Variants in LRRN3 observed in about 807,000 individuals in gnomAD.
LRRN3 encodes leucine-rich repeat neuronal protein 3.
In LRRN3, 15 loss-of-function variants were observed where a neutral mutation model predicts 40.1. That is an observed-to-expected ratio of 0.37 (90% CI 0.25 to 0.58). The LOEUF (loss-of-function observed/expected upper bound fraction) is 0.58, where lower values mean the gene tolerates loss of function less well. LRRN3 is among the 20% of genes least tolerant of loss of function. The pLI is 0.72. For missense variants in LRRN3, 746 were observed against 837.7 expected (o/e 0.89, Z 1.35); for synonymous variants, 308 against 297.2 (o/e 1.04, Z -0.37).
chr7:111,121,022 T>C (rs752466184), intron 2 of LRRN3, among the ~76,000 whole-genome samples: 4 of 150,844 alleles, frequency 2.7e-5, no homozygotes, highest in Non-Finnish European at 5.9e-5. Context: ...CTAATGAAAA[T>C]ATAACAAATA....
chr7:111,099,036 C>T (rs940186103), intron 1 of LRRN3, among the ~76,000 whole-genome samples: 3 of 151,634 alleles, frequency 2.0e-5, no homozygotes, highest in Non-Finnish European at 3.0e-5. Flanking sequence ...CTGAGTTTTG[C>T]TATCCACTAG....
chr7:111,099,677 C>T lies in LRRN3; in HGVS notation c.-440-204C>T, dbSNP rs193215544. ...AGTTTAGAGAGCTCACATCAACATACATTTTCTATTCAAAATGAAGTTTTT... is the reference window on the plus strand; with the variant it reads ...AGTTTAGAGAGCTCACATCAACATATATTTTCTATTCAAAATGAAGTTTTT... On this transcript the variant is annotated intron_variant, in intron 1 of 2. Transcript: ENST00000308478. Among the ~76,000 whole-genome samples, 578 of 151,436 alleles carry T rather than the reference C, an allele frequency of 3.8e-3. 2 individuals are homozygous for T. The highest frequency in any genetic ancestry group is 0.01 in the Middle Eastern group (3 of 292).
chr7:111,093,351 A>C (rs2129578168), intron 1 of LRRN3, among the ~76,000 whole-genome samples: 1 of 152,322 alleles, frequency 6.6e-6, no homozygotes, highest in East Asian at 1.9e-4. Flanking sequence ...GCTATTTATT[A>C]AAAGTGCTGC....
intron 2 of LRRN3, among the ~76,000 whole-genome samples, chr7:111,109,926 G>A (rs998169181): frequency 1.4e-4 from 22 of 152,144 alleles, no homozygotes; most frequent in Non-Finnish European, 2.4e-4. Flanking sequence ...ACAAGGTCAG[G>A]AGTTCAAGAC....
At chr7:111,113,101 G>C (rs1026677474) in intron 2 of LRRN3, among the ~76,000 whole-genome samples, 1 of 152,126 alleles carries the variant, frequency 6.6e-6, no homozygotes. Flanking sequence ...TTCCTTCAGA[G>C]TAATGTTCCC....
At chr7:111,092,654 G>A (rs144781760) in intron 1 of LRRN3, among the ~76,000 whole-genome samples, 155 of 152,244 alleles carry the variant, frequency 1.0e-3, no homozygotes, top group Non-Finnish European at 1.8e-3. Flanking sequence ...TAAACTCTAT[G>A]AGCATCCATG....
Position 111,124,327 on chromosome 7 carries a change from C to G in LRRN3, c.1555C>G (p.Gln519Glu), listed in dbSNP as rs1801024895. The change falls in exon 3 of 3, where the codon CAA becomes GAA. Residue 519 changes from glutamine (Q) to glutamate (E), a missense_variant. Transcript: ENST00000308478. ...VMIKVDGSFP[Q>E]DNNGSLNIKI... is the part of the protein sequence containing the mutation. ...GATCAAAGTGGATGGATCTTTTCCA[C>G]AAGATAACAATGGCTCTTTGAATAT... The G allele has an allele frequency of 6.2e-7, 1 of 1,613,502 alleles. No homozygotes were observed. The highest frequency in any genetic ancestry group is 1.3e-5 in the African/African-American group (1 of 74,914).
Position 111,121,680 on chromosome 7 carries a change from C to T in LRRN3, c.-358-735C>T, listed in dbSNP as rs555561556. 4.6e-5 allele frequency among the ~76,000 whole-genome samples: 7 copies of T among 152,248 alleles called. No homozygotes were observed. The East Asian group carries it at 5.8e-4, about 13-fold the overall frequency. ...TGTAGAAGACAGTGTGGCGATTCCT[C>T]GGGGATCTAGAACTAGAAATACCAT... is the stretch of plus-strand genomic sequence containing the variant. On this transcript the variant is annotated intron_variant, in intron 2 of 2. Coordinates refer to ENST00000308478, the MANE Select transcript of LRRN3 (RefSeq NM_001099658.2).
Position 111,123,031 on chromosome 7 carries a change from T to A in LRRN3, c.259T>A (p.Ser87Thr). Residue 87 changes from serine (S) to threonine (T), a missense_variant, in exon 3 of 3, where the codon TCC (serine) becomes ACC (threonine). By Grantham distance (58) the Ser-to-Thr change is moderately conservative (BLOSUM62 1). Coordinates refer to ENST00000308478, the MANE Select transcript of LRRN3 (RefSeq NM_001099658.2). This position sits in a 1 kb window ranked among gnomAD's most constrained non-coding sequence, Gnocchi z 6.4. The part of the protein sequence containing the change: ...QTNNIAKIEY[S>T]TDFPVNLTGL... ...TAACAATATTGCAAAAATTGAATAC[T>A]CCACAGACTTTCCAGTAAACCTTAC... 6.2e-7 allele frequency: 1 copy of A among 1,613,904 alleles called. No homozygotes were observed. The highest frequency in any genetic ancestry group is 1.1e-5 in the South Asian group (1 of 91,076).
chr7:111,103,446 A>G (rs1798196668), intron 2 of LRRN3, among the ~76,000 whole-genome samples: 1 of 151,738 alleles, frequency 6.6e-6, no homozygotes, highest in Non-Finnish European at 1.5e-5. Flanking sequence ...CTTCTAAGAC[A>G]TGTCATATAA....
At position 111,123,348 on chromosome 7, in the gene LRRN3, T is replaced by C. The variant is rs901551236; in HGVS notation, c.576T>C (p.Ile192=). ...KWFDALPNLE[I]LMIGENPIIR... The stretch of plus-strand genomic sequence containing the variant: ...TTGATGCTCTTCCAAATCTAGAGAT[T>C]CTGATGATTGGGGAAAATCCAATTA... Residue 192 remains isoleucine (I), a synonymous_variant, in exon 3 of 3, where the codon ATT becomes ATC. Transcript: ENST00000308478. The surrounding 1 kb of genome is among the most constrained non-coding windows in gnomAD (Gnocchi z 6.4). 2 of 1,613,834 alleles carry C rather than the reference T, an allele frequency of 1.2e-6. No individual in the cohort carries two copies. Among genetic ancestry groups the C allele is most frequent in the African/African-American group, 2.7e-5 (2 of 75,024 alleles).
At position 111,122,509 on chromosome 7, in the gene LRRN3, A is replaced by C. The variant is rs1164240839; in HGVS notation, c.-264A>C. ...ATTACTCAATCTCCTATGACCATCTATACATACTCCACCTTCAAAAAGTAC... is the reference window on the plus strand; with the variant it reads ...ATTACTCAATCTCCTATGACCATCTCTACATACTCCACCTTCAAAAAGTAC... On this transcript the variant is annotated 5_prime_UTR_variant, in exon 3 of 3. Transcript: ENST00000308478. 1 of 429,198 alleles carries C rather than the reference A, an allele frequency of 2.3e-6. No homozygotes were observed. The highest frequency in any genetic ancestry group is 2.0e-5 in the African/African-American group (1 of 50,098). 26.6% of individuals were successfully genotyped at this position (429,198 alleles called of 1,614,324 possible).
At chr7:111,114,835 A>G (rs1799682891) in intron 2 of LRRN3, among the ~76,000 whole-genome samples, 1 of 152,160 alleles carries the variant, frequency 6.6e-6, no homozygotes, top group South Asian at 2.1e-4. Context: ...TAATAATAGA[A>G]TTTGAAGGTG....
chr7:111,123,048 A>G lies in LRRN3; in HGVS notation c.276A>G (p.Val92=). 6.2e-7 allele frequency: 1 copy of G among 1,613,922 alleles called. No individual in the cohort carries two copies. Among genetic ancestry groups the G allele is most frequent in the Non-Finnish European group, 8.5e-7 (1 of 1,179,950 alleles). The change falls in exon 3 of 3, where the codon GTA becomes GTG. Residue 92 remains valine, a synonymous_variant. Coordinates refer to ENST00000308478, the MANE Select transcript of LRRN3 (RefSeq NM_001099658.2). This position sits in a 1 kb window ranked among gnomAD's most constrained non-coding sequence, Gnocchi z 6.4. ...TTGAATACTCCACAGACTTTCCAGTAAACCTTACTGGCCTGGATTTATCTC... is the reference window on the plus strand; with the variant it reads ...TTGAATACTCCACAGACTTTCCAGTGAACCTTACTGGCCTGGATTTATCTC... ...AKIEYSTDFP[V]NLTGLDLSQN... is the part of the protein sequence containing the mutation.
Position 111,122,963 on chromosome 7 carries a change from C to A in LRRN3, c.191C>A (p.Pro64Gln). 1 of 1,614,006 alleles carries A rather than the reference C, an allele frequency of 6.2e-7. No individual in the cohort carries two copies. The highest frequency in any genetic ancestry group is 8.5e-7 in the Non-Finnish European group (1 of 1,179,948). Residue 64 changes from proline (P) to glutamine (Q), a missense_variant, in exon 3 of 3, where the codon CCA becomes CAA. By Grantham distance (76) the Pro-to-Gln change is moderately conservative. Coordinates refer to ENST00000308478, the MANE Select transcript of LRRN3 (RefSeq NM_001099658.2). ...AATGATTTAGGTCTTTTAACTTTCC[C>A]AGCCAGATTGCCAGCTAACACACAG... ...DCNDLGLLTF[P>Q]ARLPANTQIL...
intron 2 of LRRN3, among the ~76,000 whole-genome samples, chr7:111,117,229 C>G (rs940462093): frequency 2.6e-5 from 4 of 152,098 alleles, no homozygotes; most frequent in Non-Finnish European, 5.9e-5. Flanking sequence ...AGTTTACACA[C>G]ATTCAATTGT....
intron 2 of LRRN3, among the ~76,000 whole-genome samples, chr7:111,109,006 G>C (rs1374327320): frequency 6.6e-6 from 1 of 152,132 alleles, no homozygotes; most frequent in African/African-American, 2.4e-5. Context: ...GGAGATGATG[G>C]GAAGTAAGCA....
At chr7:111,120,858 G>A (rs1267974790) in intron 2 of LRRN3, among the ~76,000 whole-genome samples, 1 of 151,626 alleles carries the variant, frequency 6.6e-6, no homozygotes, top group African/African-American at 2.4e-5. Context: ...GGAACCTGTT[G>A]AATCGCAATC....
intron 2 of LRRN3, among the ~76,000 whole-genome samples, chr7:111,109,494 G>A (rs558932202): frequency 3.2e-4 from 48 of 152,102 alleles, no homozygotes; most frequent in African/African-American, 1.1e-3. Context: ...CTAGTAAGGG[G>A]GCAATCAAGT....
Sources: allele counts gnomAD v4.1 joint callset (sites outside exome capture counted in the v4.1 genomes callset), GRCh38; gene constraint gnomAD v4.1.1; non-coding constraint Gnocchi (gnomAD v3.1); transcripts MANE v1.5; gene names NCBI Gene and HGNC (gene_info 2026-07-23, HGNC 2026-07-21).